Variants in EIF4B observed in about 807,000 individuals in gnomAD.
EIF4B encodes eukaryotic translation initiation factor 4B.
In EIF4B, 8 loss-of-function variants were observed where a neutral mutation model predicts 79.3. The observed-to-expected ratio is 0.10, with a 90% confidence interval of 0.06 to 0.18. The LOEUF (loss-of-function observed/expected upper bound fraction) is 0.18. Among genes scored for constraint, EIF4B ranks in the 10% least tolerant of loss-of-function variants. The pLI, the probability that EIF4B is intolerant of heterozygous loss-of-function variation, is 1.00. For synonymous variants in EIF4B, 238 were observed against 274.7 expected (o/e 0.87, Z 1.32); for missense variants, 515 against 792.4 (o/e 0.65, Z 4.20).
chr12:53,007,829 G>A (rs916674244), intron 1 of EIF4B, among the ~76,000 whole-genome samples: 29 of 152,162 alleles, frequency 1.9e-4, no homozygotes, highest in African/African-American at 6.3e-4. Context: ...CTTGACAGTT[G>A]ACCAAGCACT....
chr12:53,037,787 C>A, intron 11 of EIF4B, 165 bp downstream of exon 11: 1 of 741,762 alleles, frequency 1.3e-6, no homozygotes, highest in Non-Finnish European at 2.2e-6. Context: ...CCTAGTTGTT[C>A]CATTTTCTGG....
intron 2 of EIF4B, among the ~76,000 whole-genome samples, chr12:53,017,357 C>T (rs1459441952): frequency 6.6e-6 from 1 of 151,858 alleles, no homozygotes; most frequent in African/African-American, 2.4e-5. Flanking sequence ...TCAGAGTGTC[C>T]TTGGGTAAAC....
At chr12:53,020,431 T>C (rs1050599221) in intron 4 of EIF4B, among the ~76,000 whole-genome samples, 3 of 152,212 alleles carry the variant, frequency 2.0e-5, no homozygotes, top group African/African-American at 7.2e-5. Flanking sequence ...AGGGAAGTGT[T>C]GTAATGGTAT....
intron 1 of EIF4B, among the ~76,000 whole-genome samples, chr12:53,012,668 C>T (rs962515173): frequency 1.3e-4 from 19 of 149,228 alleles, no homozygotes; most frequent in African/African-American, 4.7e-4. Context: ...TGCAGTGGCA[C>T]GATCTCAGCT....
rs145603743 is a variant in EIF4B, at chr12:53,024,648, C to CTTTGTTTTGT, written c.667+2041_667+2050dup. Among the ~76,000 whole-genome samples, 16 of 151,906 alleles carry CTTTGTTTTGT rather than the reference C, an allele frequency of 1.1e-4. No individual in the cohort carries two copies. The South Asian group carries it at 1.2e-3, about 12-fold the overall frequency. On this transcript the variant is annotated intron_variant, in intron 6 of 14. Transcript: ENST00000262056. ...ACAGACCAACTTAAATTTACAAGCT[C>CTTTGTTTTGT]TTTGTTTTGTTTTGTTTTGTTTTGT...
At chr12:53,033,703 A>ATC in intron 8 of EIF4B, 103 bp from the exon 9 acceptor site, 1 of 1,282,908 alleles carries the variant, frequency 7.8e-7, no homozygotes, top group Non-Finnish European at 1.1e-6. Context: ...ACTAACTTGA[A>ATC]TCTCATGTAG....
chr12:53,034,223 A>C (rs1304593030), intron 9 of EIF4B, among the ~76,000 whole-genome samples, 189 bp downstream of exon 9: 2 of 152,184 alleles, frequency 1.3e-5, no homozygotes, highest in African/African-American at 4.8e-5. Context: ...CACAATGAAG[A>C]GTTGTTCCCT....
At chr12:53,027,624 T>C (rs112530834) in intron 6 of EIF4B, among the ~76,000 whole-genome samples, 158 bp from the exon 7 acceptor site, 2 of 152,198 alleles carry the variant, frequency 1.3e-5, no homozygotes, top group South Asian at 4.1e-4. Context: ...TCCCAAATTA[T>C]TAGCTGAGCA....
In EIF4B at chr12:53,039,880, G is replaced by T; in HGVS notation, c.1755+178G>T. On this transcript the variant is annotated intron_variant, in intron 14 of 14. Transcript: ENST00000262056. ...ATTGGTCTTTACTGAAATAGCGAAA[G>T]AAGTTTAGCTTTTTCCTGGTTTCTG... 5.0e-6 allele frequency: 4 copies of T among 797,808 alleles called. No individual in the cohort carries two copies. The South Asian group carries it at 7.6e-5, about 15-fold the overall frequency. The allele number at this position is 797,808 out of a possible 1,614,324, so 49.4% of individuals were successfully genotyped here. A position where few individuals can be genotyped will look rare whatever the true frequency, so the allele number is the denominator to read the frequency against.
chr12:53,014,128 A>G (rs1380015290), intron 1 of EIF4B, among the ~76,000 whole-genome samples: 4 of 151,894 alleles, frequency 2.6e-5, no homozygotes, highest in Non-Finnish European at 5.9e-5. Context: ...CACCACTGCA[A>G]AAAAAGAAAA....
At chr12:53,032,596 A>G (rs1008171501) in intron 8 of EIF4B, among the ~76,000 whole-genome samples, 1 of 151,760 alleles carries the variant, frequency 6.6e-6, no homozygotes, top group African/African-American at 2.4e-5. Flanking sequence ...AATGTTTACC[A>G]TTTTTAGTCT....
chr12:53,006,550 G>C, intron 1 of EIF4B, 54 bp downstream of exon 1: 1 of 1,612,712 alleles, frequency 6.2e-7, no homozygotes, highest in Non-Finnish European at 8.5e-7. Flanking sequence ...CCCCCTCCGA[G>C]CGTGATCCAC....
chr12:53,008,654 GAACT>G, intron 1 of EIF4B: 1 of 152,342 alleles, frequency 6.6e-6, no homozygotes, highest in Non-Finnish European at 1.5e-5. Context: ...GTAGGTCTCA[GAACT>G]AACTATAGAA....
intron 2 of EIF4B, among the ~76,000 whole-genome samples, chr12:53,017,848 C>T (rs1373596135): frequency 6.6e-6 from 1 of 152,194 alleles, no homozygotes; most frequent in Non-Finnish European, 1.5e-5. Flanking sequence ...GCCTCAGCCT[C>T]CCAAAGTGCT....
At position 53,040,230 on chromosome 12, in the gene EIF4B, A is replaced by G; in HGVS notation, c.*7A>G. 6.2e-7 allele frequency: 1 copy of G among 1,610,712 alleles called. No homozygotes were observed. The highest frequency in any genetic ancestry group is 8.5e-7 in the Non-Finnish European group (1 of 1,177,312). On this transcript the variant is annotated 3_prime_UTR_variant, in exon 15 of 15. Transcript: ENST00000262056. Reference sequence around the variant, plus strand: ...AGAAGATTATGCCGAATAGACCTCTACATCCTGTGCTTTTCTCCTAGTTTC... The same window carrying G: ...AGAAGATTATGCCGAATAGACCTCTGCATCCTGTGCTTTTCTCCTAGTTTC...
intron 1 of EIF4B, among the ~76,000 whole-genome samples, chr12:53,010,127 T>C (rs1174631466): frequency 1.3e-5 from 2 of 152,208 alleles, no homozygotes; most frequent in African/African-American, 4.8e-5. Flanking sequence ...ATGGCATGCA[T>C]TGGGCACTTA....
chr12:53,011,650 T>A (rs188236643), intron 1 of EIF4B, among the ~76,000 whole-genome samples: 3 of 152,360 alleles, frequency 2.0e-5, no homozygotes, highest in African/African-American at 7.2e-5. Context: ...AGTTAAGAAG[T>A]AGGCTGTATT....
chr12:53,013,499 A>G (rs755111927), intron 1 of EIF4B: 2 of 152,226 alleles, frequency 1.3e-5, no homozygotes, highest in African/African-American at 2.4e-5. Flanking sequence ...AGATCTTTGC[A>G]TATGAGGCTG....
At position 53,041,139 on chromosome 12, in the gene EIF4B, G is replaced by C. The variant is rs1322739929; in HGVS notation, c.*916G>C. ...ATTTAGACTCTTATCATCATCTTAA[G>C]TTCTTCATGCTACTCTTAACCTCCC... On this transcript the variant is annotated 3_prime_UTR_variant, in exon 15 of 15. Transcript: ENST00000262056. 1 of 152,176 alleles carries C rather than the reference G, an allele frequency of 6.6e-6. No homozygotes were observed. The highest frequency in any genetic ancestry group is 1.5e-5 in the Non-Finnish European group (1 of 68,038). 9.4% of individuals were successfully genotyped at this position (152,176 alleles called of 1,614,324 possible).
Sources: gnomAD v4.1 joint callset for allele counts (sites outside exome capture counted in the v4.1 genomes callset) on GRCh38, gnomAD v4.1.1 for gene constraint, MANE v1.5 for transcripts, NCBI Gene and HGNC (gene_info 2026-07-23, HGNC 2026-07-21) for gene names.